Variants in GRID2 observed in about 807,000 individuals in gnomAD.
GRID2 encodes glutamate ionotropic receptor delta type subunit 2.
GRID2 carries 33 observed loss-of-function variants against 114.8 expected under a neutral mutation model. That is an observed-to-expected ratio of 0.29 (90% CI 0.22 to 0.38). GRID2 has a LOEUF of 0.38. GRID2 is among the 10% of genes least tolerant of loss of function. The pLI is 1.00. For synonymous variants in GRID2, 505 were observed against 449.9 expected (o/e 1.12, Z -1.55); for missense variants, 1,184 against 1,257.7 (o/e 0.94, Z 0.89).
chr4:92,633,711 G>A (rs925783794), intron 2 of GRID2, among the ~76,000 whole-genome samples: 5 of 151,992 alleles, frequency 3.3e-5, no homozygotes, highest in African/African-American at 1.2e-4. Flanking sequence ...ATTTTCAAAG[G>A]ACCAGAATAT....
intron 10 of GRID2, among the ~76,000 whole-genome samples, chr4:93,430,826 C>T (rs1769339849): frequency 2.0e-5 from 3 of 152,026 alleles, no homozygotes; most frequent in African/African-American, 7.3e-5. Context: ...AGCCTGATGA[C>T]AAAATAACAG....
intron 2 of GRID2, among the ~76,000 whole-genome samples, chr4:92,866,675 C>G (rs1744888787): frequency 6.6e-6 from 1 of 151,790 alleles, no homozygotes; most frequent in Non-Finnish European, 1.5e-5. Context: ...TCCCGAGTAG[C>G]TGGGACTACA....
chr4:93,224,760 G>A lies in GRID2; in HGVS notation c.1110G>A (p.Leu370=), dbSNP rs191438581. The change falls in exon 7 of 16, where the codon TTG becomes TTA. Residue 370 remains leucine, a synonymous_variant. Coordinates refer to ENST00000282020, the MANE Select transcript of GRID2 (RefSeq NM_001510.4). ...SKPWQGGRSM[L]ETIKKGGVSG... ...CCTGGCAGGGTGGGCGCTCCATGTT[G>A]GAGACCATCAAGAAGGTAACTTCTT... 1 of 1,610,980 alleles carries A rather than the reference G, an allele frequency of 6.2e-7. No homozygotes were observed. Among genetic ancestry groups the A allele is most frequent in the Non-Finnish European group, 8.5e-7 (1 of 1,177,802 alleles).
At chr4:92,530,020 G>GT (rs1216723662) in intron 1 of GRID2, among the ~76,000 whole-genome samples, 2 of 150,842 alleles carry the variant, frequency 1.3e-5, no homozygotes, top group African/African-American at 4.9e-5. Flanking sequence ...TGAAGAAAGA[G>GT]TAAGTAAGAA....
intron 2 of GRID2, among the ~76,000 whole-genome samples, chr4:93,042,524 A>T (rs1201868380): frequency 6.8e-6 from 1 of 147,914 alleles, no homozygotes; most frequent in African/African-American, 2.5e-5. Flanking sequence ...AATGGAGACC[A>T]GTTATATCTA....
intron 2 of GRID2, among the ~76,000 whole-genome samples, chr4:92,769,409 GTGGAGCTACCATTTTGGGGTC>G (rs1176842917): frequency 6.6e-6 from 1 of 152,174 alleles, no homozygotes; most frequent in Non-Finnish European, 1.5e-5. Flanking sequence ...CAAGCTGTTG[GTGGAGCTACCATTTTGGGGTC>G]TGGAGTATGG....
chr4:92,863,741 G>A (rs1744683524), intron 2 of GRID2, among the ~76,000 whole-genome samples: 1 of 152,160 alleles, frequency 6.6e-6, no homozygotes. Flanking sequence ...GGATTTTAGA[G>A]TGGAGGTTTC....
chr4:92,965,875 A>T (rs1293910388), intron 2 of GRID2, among the ~76,000 whole-genome samples: 1 of 151,914 alleles, frequency 6.6e-6, no homozygotes, highest in African/African-American at 2.4e-5. Flanking sequence ...ATTTATACTG[A>T]CAACCAAGCC....
chr4:92,337,947 CGTGTGTGCATAT>C, intron 1 of GRID2, among the ~76,000 whole-genome samples: 1 of 152,162 alleles, frequency 6.6e-6, no homozygotes, highest in East Asian at 1.9e-4. Context: ...GAACTGCCTG[CGTGTGTGCATAT>C]GTGTGTGTCT....
At chr4:92,352,335 A>T (rs1002039029) in intron 1 of GRID2, among the ~76,000 whole-genome samples, 2 of 37,506 alleles carry the variant, frequency 5.3e-5, no homozygotes, top group East Asian at 9.4e-4. Context: ...GTTAAATTGG[A>T]TTATTTTATT....
At chr4:93,793,845 C>T (rs12644979) in intron 1 of GRID2, among the ~76,000 whole-genome samples, 16,445 of 152,062 alleles carry the variant, frequency 0.11, 1,448 homozygotes, top group East Asian at 0.44. Flanking sequence ...TTTTTCTCAT[C>T]CAGTTTTCAC....
chr4:93,176,855 C>T (rs1334057472), intron 4 of GRID2, among the ~76,000 whole-genome samples: 2 of 152,126 alleles, frequency 1.3e-5, no homozygotes, highest in Non-Finnish European at 2.9e-5. Flanking sequence ...TGTGTGAATA[C>T]ACAACAATGT....
At chr4:92,966,238 A>G (rs1198905199) in intron 2 of GRID2, among the ~76,000 whole-genome samples, 2 of 151,920 alleles carry the variant, frequency 1.3e-5, no homozygotes, top group Non-Finnish European at 2.9e-5. Context: ...AAGTCATGAC[A>G]TAAGAAAAAT....
intron 1 of GRID2, among the ~76,000 whole-genome samples, chr4:92,355,711 A>G (rs895198415): frequency 6.6e-6 from 1 of 151,826 alleles, no homozygotes; most frequent in East Asian, 1.9e-4. Flanking sequence ...TTATTCCCCA[A>G]ATATAGAGAA....
intron 2 of GRID2, among the ~76,000 whole-genome samples, chr4:92,727,644 C>T (rs1736128440): frequency 6.6e-6 from 1 of 151,892 alleles, no homozygotes. Flanking sequence ...GTGTACTTGG[C>T]AATTATAACA....
intron 2 of GRID2, among the ~76,000 whole-genome samples, chr4:93,052,761 A>G (rs1297882759): frequency 6.6e-6 from 1 of 151,566 alleles, no homozygotes; most frequent in Non-Finnish European, 1.5e-5. Flanking sequence ...TAAAAAGTTT[A>G]CTCTTCTCCT....
intron 4 of GRID2, among the ~76,000 whole-genome samples, chr4:93,200,600 T>C (rs1312767278): frequency 1.4e-5 from 2 of 146,630 alleles, no homozygotes; most frequent in African/African-American, 5.0e-5. Context: ...CAAAAAAACA[T>C]TACATATACA....
intron 8 of GRID2, among the ~76,000 whole-genome samples, chr4:93,279,973 A>T (rs897598259): frequency 2.6e-4 from 40 of 151,932 alleles, no homozygotes; most frequent in African/African-American, 9.4e-4. Flanking sequence ...GTAAAGCAAG[A>T]TGTATATGGC....
At chr4:93,706,839 G>T (rs1267721111) in intron 14 of GRID2, among the ~76,000 whole-genome samples, 1 of 152,046 alleles carries the variant, frequency 6.6e-6, no homozygotes, top group Non-Finnish European at 1.5e-5. Flanking sequence ...TATAATATTA[G>T]CTGTAGGTTT....
Sources: allele counts gnomAD v4.1 joint callset (sites outside exome capture counted in the v4.1 genomes callset), GRCh38; gene constraint gnomAD v4.1.1; transcripts MANE v1.5; gene names NCBI Gene and HGNC (gene_info 2026-07-23, HGNC 2026-07-21).